Variants in DMD observed in about 807,000 individuals in gnomAD.
DMD encodes dystrophin, also known as mutant dystrophin.
DMD carries 63 observed loss-of-function variants against 330.1 expected under a neutral mutation model. The ratio of observed to expected loss-of-function variants is 0.19; its 90% CI spans 0.16 to 0.24. The LOEUF (loss-of-function observed/expected upper bound fraction) is 0.24, where lower values mean the gene tolerates loss of function less well. DMD is among the 10% of genes least tolerant of loss of function. The pLI, the probability that DMD is intolerant of heterozygous loss-of-function variation, is 1.00. For missense variants in DMD, 3,344 were observed against 2,684.1 expected (o/e 1.25, Z -5.43); for synonymous variants, 1,223 against 959.8 (o/e 1.27, Z -5.07).
intron 45 of DMD, among the ~76,000 whole-genome samples, chrX:31,942,526 G>C (rs2095021017): frequency 8.9e-6 from 1 of 111,797 alleles, no homozygotes; most frequent in African/African-American, 3.2e-5. Context: ...ATCCATATCA[G>C]GATTCATCAT....
Position 31,520,636 on chromosome X carries a change from T to A in DMD, c.8218-13183A>T, listed in dbSNP as rs959068222. On this transcript the variant is annotated intron_variant, in intron 55 of 78. Coordinates refer to ENST00000357033, the MANE Select transcript of DMD (RefSeq NM_004006.3). ...CCTTAGACCATCTCACTGAAGCAGG[T>A]CCAGGGTATTTTTTGTGTCCTTGTG... is the stretch of plus-strand genomic sequence containing the variant. Among the ~76,000 whole-genome samples the A allele has an allele frequency of 1.5e-4, 17 of 111,614 alleles. 1 individual carries two copies. Among genetic ancestry groups the A allele is most frequent in the East Asian group, 5.6e-4 (2 of 3,548 alleles).
intron 62 of DMD, among the ~76,000 whole-genome samples, chrX:31,271,538 T>C (rs1312607990): frequency 9.0e-6 from 1 of 111,489 alleles, no homozygotes; most frequent in Non-Finnish European, 1.9e-5. Context: ...AGACAAGGAA[T>C]GGTTTGAACT....
At chrX:33,247,137 G>T (rs760509176) in intron 1 of DMD, among the ~76,000 whole-genome samples, 3 of 111,608 alleles carry the variant, frequency 2.7e-5, no homozygotes, top group Non-Finnish European at 3.8e-5. Context: ...TCCAGTTAAA[G>T]GTAGCTTGGG....
chrX:32,834,254 C>T (rs1325810547), intron 4 of DMD, among the ~76,000 whole-genome samples: 1 of 110,991 alleles, frequency 9.0e-6, no homozygotes, highest in Non-Finnish European at 1.9e-5. Context: ...TGTGGACTGA[C>T]AATTTTGTGT....
chrX:33,176,676 C>A (rs1185836899), intron 1 of DMD, among the ~76,000 whole-genome samples: 3 of 110,789 alleles, frequency 2.7e-5, no homozygotes, highest in Middle Eastern at 8.4e-3. Flanking sequence ...TGGCTCACGC[C>A]TGTAATCCCA....
intron 7 of DMD, among the ~76,000 whole-genome samples, chrX:32,768,066 A>G (rs955394130): frequency 3.6e-5 from 4 of 112,374 alleles, no homozygotes; most frequent in African/African-American, 1.3e-4. Flanking sequence ...AAGTCAATTT[A>G]CATAATGGTG....
chrX:31,183,876 A>G (rs2041443151), intron 67 of DMD, among the ~76,000 whole-genome samples: 1 of 109,312 alleles, frequency 9.1e-6, no homozygotes, highest in Admixed American at 9.9e-5. Context: ...TTTAAAAAAA[A>G]AATCCATATT....
chrX:32,747,358 G>C (rs775715777), intron 7 of DMD, among the ~76,000 whole-genome samples: 4 of 112,266 alleles, frequency 3.6e-5, no homozygotes, highest in Non-Finnish European at 7.5e-5. Flanking sequence ...GTTGGAGAAC[G>C]AGTACCATCA....
intron 44 of DMD, among the ~76,000 whole-genome samples, chrX:32,134,291 T>C (rs1349710897): frequency 1.8e-5 from 2 of 110,992 alleles, no homozygotes; most frequent in Non-Finnish European, 3.8e-5. Context: ...TGACATATGG[T>C]GGTGGCTCAA....
chrX:31,939,722 G>C (rs1177827512), intron 45 of DMD, among the ~76,000 whole-genome samples: 1 of 111,505 alleles, frequency 9.0e-6, no homozygotes, highest in East Asian at 2.8e-4. Flanking sequence ...TGGATACAGA[G>C]CTTTCTGTTT....
At chrX:32,217,388 A>AT (rs1204311355) in intron 43 of DMD, among the ~76,000 whole-genome samples, 2 of 111,680 alleles carry the variant, frequency 1.8e-5, no homozygotes, top group Non-Finnish European at 3.8e-5. Flanking sequence ...CTAAAAATAT[A>AT]TTTTTTTAAT....
At chrX:32,086,491 C>T (rs932633284) in intron 44 of DMD, among the ~76,000 whole-genome samples, 1 of 111,208 alleles carries the variant, frequency 9.0e-6, no homozygotes, top group Non-Finnish European at 1.9e-5. Flanking sequence ...AGTGATCCAG[C>T]CTTTGACGCA....
chrX:33,096,210 G>A lies in DMD; in HGVS notation c.32-76010C>T, dbSNP rs376612017. ...AGGATGGTCTCGATCTCCTGACCTCGTGATCCACCCACCTTGGCCTCCCAA... is the reference window on the plus strand; with the variant it reads ...AGGATGGTCTCGATCTCCTGACCTCATGATCCACCCACCTTGGCCTCCCAA... On this transcript the variant is annotated intron_variant, in intron 1 of 78. Transcript: ENST00000357033. 3.7e-4 allele frequency among the ~76,000 whole-genome samples: 41 copies of A among 110,182 alleles called. No homozygotes were observed. The East Asian group carries it at 0.011, about 30-fold the overall frequency.
chrX:33,195,130 A>G (rs148898157), intron 1 of DMD, among the ~76,000 whole-genome samples: 1,174 of 111,561 alleles, frequency 0.011, 16 homozygotes, highest in African/African-American at 0.036. Flanking sequence ...CCAGATTAAA[A>G]CAGATGAAAG....
chrX:31,946,007 C>A (rs1301220019), intron 45 of DMD, among the ~76,000 whole-genome samples: 1 of 112,119 alleles, frequency 8.9e-6, no homozygotes, highest in Non-Finnish European at 1.9e-5. Context: ...CAATAATAAT[C>A]AAGGTCCTCA....
At chrX:33,019,695 A>C (rs1317976916) in intron 2 of DMD, among the ~76,000 whole-genome samples, 2 of 111,762 alleles carry the variant, frequency 1.8e-5, no homozygotes, top group African/African-American at 6.5e-5. Context: ...TAATCATTTG[A>C]AATATGCTCT....
intron 37 of DMD, among the ~76,000 whole-genome samples, chrX:32,352,185 C>T (rs1052032569): frequency 9.1e-5 from 10 of 110,301 alleles, no homozygotes; most frequent in Non-Finnish European, 1.5e-4. Context: ...TAAGCAGAGA[C>T]TAGATGAGGA....
At chrX:31,887,518 T>A (rs769077114) in intron 47 of DMD, among the ~76,000 whole-genome samples, 11 of 112,227 alleles carry the variant, frequency 9.8e-5, no homozygotes, top group Middle Eastern at 4.7e-3. Flanking sequence ...GCCATTAAAA[T>A]GTCTTCTTTT....
At chrX:31,829,193 G>A (rs1477744943) in intron 49 of DMD, among the ~76,000 whole-genome samples, 1 of 111,233 alleles carries the variant, frequency 9.0e-6, no homozygotes, top group Non-Finnish European at 1.9e-5. Context: ...AAGACATACG[G>A]AGTGATACAA....
Sources: gnomAD v4.1 joint callset for allele counts (sites outside exome capture counted in the v4.1 genomes callset) on GRCh38, gnomAD v4.1.1 for gene constraint, MANE v1.5 for transcripts, NCBI Gene and HGNC (gene_info 2026-07-23, HGNC 2026-07-21) for gene names.